Variants in FSD1 observed in about 807,000 individuals in gnomAD.
The protein encoded by FSD1 is fibronectin type III and SPRY domain containing 1.
FSD1 carries 23 observed loss-of-function variants against 58.2 expected under a neutral mutation model. That is an observed-to-expected ratio of 0.40 (90% CI 0.28 to 0.56). The LOEUF (loss-of-function observed/expected upper bound fraction) is 0.56, where lower values mean the gene tolerates loss of function less well. Ranked by LOEUF, FSD1 falls within the 20% of genes least tolerant of loss-of-function variation. FSD1 has a pLI of 0.54. For synonymous variants in FSD1, 265 were observed against 263.4 expected (o/e 1.01, Z -0.06); for missense variants, 563 against 670.8 (o/e 0.84, Z 1.78).
intron 10 of FSD1, among the ~76,000 whole-genome samples, chr19:4,320,909 T>G (rs1599542251): frequency 9.0e-6 from 1 of 111,716 alleles, no homozygotes. Flanking sequence ...GACTGAGGAG[T>G]ATCTGGGGGG....
rs1203338065 is a variant in FSD1, at chr19:4,323,616, C to T, written c.1464C>T (p.Thr488=). 1.9e-6 allele frequency: 3 copies of T among 1,613,114 alleles called. No individual in the cohort carries two copies. The highest frequency in any genetic ancestry group is 2.5e-6 in the Non-Finnish European group (3 of 1,179,552). ...GCCTGCAAAAGCGAGGCAGTGCTAC[C>T]AGCAGCTCCAACACCAGCCTCACCT... The part of the protein sequence containing the change: ...VRCLQKRGSA[T]SSSNTSLT Residue 488 remains threonine, a synonymous_variant, in exon 13 of 13, where the codon ACC becomes ACT. Transcript: ENST00000221856. This position sits in a 1 kb window ranked among gnomAD's most constrained non-coding sequence, Gnocchi z 7.7.
At chr19:4,305,858 A>G (rs1245268604) in intron 1 of FSD1, 88 bp from the exon 2 acceptor site, 1 of 924,444 alleles carries the variant, frequency 1.1e-6, no homozygotes, top group East Asian at 2.4e-5. Context: ...ATGTGTGTGC[A>G]CGTGTGTACA....
chr19:4,318,584 G>C, intron 9 of FSD1, 79 bp downstream of exon 9: 2 of 1,341,930 alleles, frequency 1.5e-6, no homozygotes, highest in Non-Finnish European at 2.0e-6. Flanking sequence ...AGTGTGGTCA[G>C]AGTTGGGGTG....
intron 3 of FSD1, among the ~76,000 whole-genome samples, chr19:4,307,367 T>C (rs11668041): frequency 0.36 from 54,345 of 151,412 alleles, 10,659 homozygotes; most frequent in Admixed American, 0.46. Context: ...ATGTGAGTTT[T>C]TTTTGTTTTG....
At chr19:4,305,837 T>C in intron 1 of FSD1, 109 bp from the exon 2 acceptor site, 1 of 788,556 alleles carries the variant, frequency 1.3e-6, no homozygotes, top group South Asian at 1.5e-5. Flanking sequence ...TGCATTTATG[T>C]ACGTGTGTGC....
intron 10 of FSD1, 56 bp downstream of exon 10, chr19:4,319,007 G>T: frequency 7.4e-7 from 1 of 1,354,928 alleles, no homozygotes; most frequent in Non-Finnish European, 1.1e-6. Context: ...GCCTAATGGT[G>T]GGGGTTGAGG....
At chr19:4,308,935 C>G (rs886488483) in intron 4 of FSD1, among the ~76,000 whole-genome samples, 1 of 151,718 alleles carries the variant, frequency 6.6e-6, no homozygotes, top group Non-Finnish European at 1.5e-5. Context: ...GTTAGCCGGG[C>G]ATGGTGGCGG....
intron 3 of FSD1, among the ~76,000 whole-genome samples, chr19:4,306,608 C>T (rs1971625610): frequency 6.6e-6 from 1 of 152,026 alleles, no homozygotes. Flanking sequence ...GCTGGGATTA[C>T]AGGTACCCGC....
chr19:4,317,458 C>T lies in FSD1; in HGVS notation c.799+178C>T, dbSNP rs564685450. ...GCTATAACCCTGTTTTTGTCCTTTG[C>T]TTCTGAGGTTTACCCAGTATATCTC... is the stretch of plus-strand genomic sequence containing the variant. On this transcript the variant is annotated intron_variant, in intron 8 of 12. Coordinates refer to ENST00000221856, the MANE Select transcript of FSD1 (RefSeq NM_024333.3). 2.3e-3 allele frequency among the ~76,000 whole-genome samples: 352 copies of T among 152,264 alleles called. 1 individual carries two copies. Among genetic ancestry groups the T allele is most frequent in the African/African-American group, 8.0e-3 (331 of 41,548 alleles).
chr19:4,305,393 T>C (rs968401762), intron 1 of FSD1, among the ~76,000 whole-genome samples: 1 of 151,186 alleles, frequency 6.6e-6, no homozygotes, highest in Admixed American at 6.6e-5. Flanking sequence ...CCTGGGGTTT[T>C]TCCTTCCACC....
Position 4,311,911 on chromosome 19 carries a change from G to T in FSD1, c.560G>T (p.Arg187Leu), listed in dbSNP as rs545061368. 6.2e-7 allele frequency: 1 copy of T among 1,614,016 alleles called. No individual in the cohort carries two copies. Among genetic ancestry groups the T allele is most frequent in the Non-Finnish European group, 8.5e-7 (1 of 1,180,016 alleles). Reference sequence around the variant, plus strand: ...GATAACTGTGTGACCCTGGTGTGGCGCATGCCGGATGAGGACAGCAAGATT... The same window carrying T: ...GATAACTGTGTGACCCTGGTGTGGCTCATGCCGGATGAGGACAGCAAGATT... Reference protein sequence around the residue: ...VADNCVTLVWRMPDEDSKIDH... With the variant: ...VADNCVTLVWLMPDEDSKIDH... Residue 187 changes from arginine to leucine, a missense_variant, in exon 7 of 13, where the codon CGC (arginine) becomes CTC (leucine). Coordinates refer to ENST00000221856, the MANE Select transcript of FSD1 (RefSeq NM_024333.3).
Position 4,317,261 on chromosome 19 carries a change from G to C in FSD1, c.780G>C (p.Pro260=). The C allele has an allele frequency of 6.2e-7, 1 of 1,607,582 alleles. No individual in the cohort carries two copies. Among genetic ancestry groups the C allele is most frequent in the African/African-American group, 1.3e-5 (1 of 74,880 alleles). The change falls in exon 8 of 13, where the codon CCG becomes CCC. Residue 260 remains proline, a synonymous_variant. Coordinates refer to ENST00000221856, the MANE Select transcript of FSD1 (RefSeq NM_024333.3). ...CAGTTGCAGGAGAGTTCTCTGAGCC[G>C]GTGACTCTGGAGACACCAGGTGACT... ...NKAVAGEFSE[P]VTLETPAFMF...
chr19:4,312,144 G>A lies in FSD1; in HGVS notation c.700+93G>A, dbSNP rs1324404045. On this transcript the variant is annotated intron_variant, in intron 7 of 12. Transcript: ENST00000221856. ...ATCAGTCACTGGGGGCCTTGGGGAC[G>A]ATCCCCAAAGCTCATGGGGTCTGGA... 7.9e-6 allele frequency: 9 copies of A among 1,134,350 alleles called. No individual in the cohort carries two copies. In the Admixed American group the frequency reaches 8.3e-5, roughly 10 times the overall value. The allele number at this position is 1,134,350 out of a possible 1,614,324, so 70.3% of individuals were successfully genotyped here.
chr19:4,311,809 A>G (rs1971695008), intron 6 of FSD1, 33 bp from the exon 7 acceptor site: 1 of 1,608,388 alleles, frequency 6.2e-7, no homozygotes, highest in African/African-American at 1.3e-5. Flanking sequence ...CAGGCACAGA[A>G]TCCCGACCCC....
At chr19:4,318,617 G>A in intron 9 of FSD1, 112 bp downstream of exon 9, 1 of 995,756 alleles carries the variant, frequency 1.0e-6, no homozygotes, top group Non-Finnish European at 1.5e-6. Context: ...GGGGCTGGTG[G>A]AACCCAGAGA....
At chr19:4,314,560 C>G (rs1971732399) in intron 7 of FSD1, among the ~76,000 whole-genome samples, 1 of 151,002 alleles carries the variant, frequency 6.6e-6, no homozygotes, top group African/African-American at 2.4e-5. Context: ...GATCTCGGCT[C>G]ACCGCAACCT....
chr19:4,311,980 C>T lies in FSD1; in HGVS notation c.629C>T (p.Pro210Leu), dbSNP rs45575337. The change falls in exon 7 of 13, where the codon CCG becomes CTG. Residue 210 changes from proline (P) to leucine (L), a missense_variant. Pro to Leu is a moderately conservative substitution (Grantham distance 98). Coordinates refer to ENST00000221856, the MANE Select transcript of FSD1 (RefSeq NM_024333.3). ...LEYRRTNFEGPPRLKEDQPWM... is the reference protein window; with the variant it reads ...LEYRRTNFEGLPRLKEDQPWM... ...TACCGGCGGACCAACTTCGAGGGCC[C>T]GCCCCGCCTCAAGGAGGACCAGCCC... is the stretch of plus-strand genomic sequence containing the variant. 0.014 allele frequency: 22,252 copies of T among 1,610,642 alleles called. 195 individuals are homozygous for T. The highest frequency in any genetic ancestry group is 0.017 in the Non-Finnish European group (20,089 of 1,179,776).
Position 4,304,716 on chromosome 19 carries a change from G to A in FSD1, c.-31G>A, listed in dbSNP as rs1171749879. The A allele has an allele frequency of 1.6e-6, 2 of 1,222,342 alleles. No individual in the cohort carries two copies. Among genetic ancestry groups the A allele is most frequent in the Non-Finnish European group, 2.0e-6 (2 of 979,540 alleles). 75.7% of individuals were successfully genotyped at this position (1,222,342 alleles called of 1,614,324 possible). ...GGGACCCAGCGTGCGCGGGGCCCGCGGGCCGGGCCGGGGTGACCTGGGCTG... is the reference window on the plus strand; with the variant it reads ...GGGACCCAGCGTGCGCGGGGCCCGCAGGCCGGGCCGGGGTGACCTGGGCTG... On this transcript the variant is annotated 5_prime_UTR_variant, in exon 1 of 13. Coordinates refer to ENST00000221856, the MANE Select transcript of FSD1 (RefSeq NM_024333.3).
In FSD1 at chr19:4,323,730, C is replaced by G. The variant is rs1022292271; in HGVS notation, c.*87C>G. 6.6e-6 allele frequency: 6 copies of G among 911,592 alleles called. No individual in the cohort carries two copies. The East Asian group carries it at 7.9e-5, about 12-fold the overall frequency. The allele number at this position is 911,592 out of a possible 1,614,324, so 56.5% of individuals were successfully genotyped here. On this transcript the variant is annotated 3_prime_UTR_variant, in exon 13 of 13. Transcript: ENST00000221856. This position sits in a 1 kb window ranked among gnomAD's most constrained non-coding sequence, Gnocchi z 7.7. The stretch of plus-strand genomic sequence containing the variant: ...TGGAGCCAGGCACCCTCCTCTGTCA[C>G]TTGCTGCTTGGAGCCTTAACTCCAG...
Sources: allele counts gnomAD v4.1 joint callset (sites outside exome capture counted in the v4.1 genomes callset), GRCh38; gene constraint gnomAD v4.1.1; non-coding constraint Gnocchi (gnomAD v3.1); transcripts MANE v1.5; gene names NCBI Gene and HGNC (gene_info 2026-07-23, HGNC 2026-07-21).